The following MAP3K14 variants were observed in gnomAD, a reference collection of about 807,000 sequenced individuals.
The protein encoded by MAP3K14 is NF-kappa-beta-inducing kinase.
A neutral mutation model predicts 99.2 loss-of-function variants in MAP3K14; 16 were observed. That is an observed-to-expected ratio of 0.16 (90% confidence interval 0.11 to 0.24). The LOEUF is 0.24. MAP3K14 is among the 10% of genes least tolerant of loss of function. The probability of loss-of-function intolerance (pLI) is 1.00; values close to 1 mark genes in which losing one functional copy is unlikely to be tolerated. For missense variants in MAP3K14, 784 were observed against 1,208.7 expected (o/e 0.65, Z 5.21); for synonymous variants, 462 against 492.4 (o/e 0.94, Z 0.82).
intron 8 of MAP3K14, chr17:45,273,901 C>T (rs1283129593): frequency 1.0e-5 from 7 of 666,972 alleles, no homozygotes. Flanking sequence ...TGGGTGGGAG[C>T]TTGACCTTCG....
At chr17:45,278,529 C>G (rs183126284) in intron 6 of MAP3K14, among the ~76,000 whole-genome samples, 1 of 152,154 alleles carries the variant, frequency 6.6e-6, no homozygotes, top group Non-Finnish European at 1.5e-5. Context: ...GGATCATTAT[C>G]CCCATTTTAT....
chr17:45,285,918 C>T (rs2044260769), intron 5 of MAP3K14, among the ~76,000 whole-genome samples: 1 of 149,930 alleles, frequency 6.7e-6, no homozygotes, highest in African/African-American at 2.5e-5. Flanking sequence ...TACGACTGCA[C>T]TCCAGCCTGG....
chr17:45,300,153 T>C (rs55913194), intron 1 of MAP3K14, among the ~76,000 whole-genome samples: 39 of 152,058 alleles, frequency 2.6e-4, no homozygotes, highest in Non-Finnish European at 4.1e-4. Flanking sequence ...ATACAATTTA[T>C]GGGGTAAAGT....
chr17:45,279,327 A>T (rs1374948810), intron 6 of MAP3K14, among the ~76,000 whole-genome samples: 3 of 151,992 alleles, frequency 2.0e-5, no homozygotes, highest in Non-Finnish European at 1.5e-5. Flanking sequence ...GGGTTTCTCC[A>T]TGTTGGTCAG....
chr17:45,313,873 G>A (rs2044505551), intron 1 of MAP3K14, among the ~76,000 whole-genome samples: 1 of 152,174 alleles, frequency 6.6e-6, no homozygotes, highest in East Asian at 1.9e-4. Context: ...TCAAGAAAAG[G>A]GGGTTTAGAT....
intron 1 of MAP3K14, among the ~76,000 whole-genome samples, chr17:45,304,651 T>C (rs759930294): frequency 1.8e-4 from 27 of 152,080 alleles, no homozygotes; most frequent in Non-Finnish European, 3.7e-4. Context: ...GGGGAAAAAA[T>C]GGGTAGATGG....
Position 45,290,647 on chromosome 17 carries a change from C to A in MAP3K14, c.99G>T (p.Gly33=). The part of the protein sequence containing the change: ...PKAKEKTPPL[G]KKQSSVYKLE... ...GCTTGTAGACGGAGCTCTGTTTCTT[C>A]CCCAGTGGCGGCGTCTTCTCCTTGG... The change falls in exon 2 of 16, where the codon GGG becomes GGT. Residue 33 remains glycine (G), a synonymous_variant. Transcript: ENST00000344686. The A allele has an allele frequency of 6.2e-7, 1 of 1,613,604 alleles. No individual in the cohort carries two copies. Among genetic ancestry groups the A allele is most frequent in the Non-Finnish European group, 8.5e-7 (1 of 1,179,822 alleles).
intron 1 of MAP3K14, among the ~76,000 whole-genome samples, chr17:45,298,222 T>C (rs143655751): frequency 4.1e-4 from 62 of 152,146 alleles, no homozygotes; most frequent in African/African-American, 1.5e-3. Flanking sequence ...AGAAATACAA[T>C]TCAGACCAGA....
rs184645877 is a variant in MAP3K14 at position 45,281,217 on chromosome 17, C to T, written c.1290+3595G>A. Among the ~76,000 whole-genome samples the T allele has an allele frequency of 1.4e-3, 217 of 152,000 alleles. 1 individual carries two copies. Among genetic ancestry groups the T allele is most frequent in the Non-Finnish European group, 1.4e-3 (97 of 67,972 alleles). ...GCTCAAGCGATCCTCCCACCTCAGT[C>T]TCCCGAGTAGCTAGGACCACAGGTG... On this transcript the variant is annotated intron_variant, in intron 6 of 15. Coordinates refer to ENST00000344686, the MANE Select transcript of MAP3K14 (RefSeq NM_003954.5).
chr17:45,293,734 G>A (rs988647287), intron 1 of MAP3K14, among the ~76,000 whole-genome samples: 2 of 152,100 alleles, frequency 1.3e-5, no homozygotes, highest in South Asian at 2.1e-4. Flanking sequence ...GACCCTCACC[G>A]ACAGCCTCCA....
At chr17:45,278,596 G>C (rs1440574048) in intron 6 of MAP3K14, among the ~76,000 whole-genome samples, 1 of 152,048 alleles carries the variant, frequency 6.6e-6, no homozygotes, top group Non-Finnish European at 1.5e-5. Flanking sequence ...GGGTATAAGA[G>C]ATCACAGCAG....
intron 1 of MAP3K14, among the ~76,000 whole-genome samples, chr17:45,300,358 C>T (rs556969251): frequency 1.8e-4 from 26 of 143,836 alleles, no homozygotes; most frequent in African/African-American, 7.5e-4. Flanking sequence ...CTTGAAACAT[C>T]GTGTACTTAA....
chr17:45,289,396 G>A (rs1320950943), intron 2 of MAP3K14, 91 bp from the exon 3 acceptor site: 13 of 1,014,650 alleles, frequency 1.3e-5, no homozygotes, highest in East Asian at 7.5e-5. Flanking sequence ...CCCCTCTGGC[G>A]CCTCTCCTTC....
intron 14 of MAP3K14, chr17:45,266,324 G>A (rs2044081877): frequency 2.0e-6 from 1 of 508,778 alleles, no homozygotes; most frequent in African/African-American, 1.9e-5. Context: ...GGGGATAATG[G>A]TCCCTCACTG....
intron 6 of MAP3K14, among the ~76,000 whole-genome samples, chr17:45,278,559 TG>T (rs2044196751): frequency 6.6e-6 from 1 of 152,284 alleles, no homozygotes; most frequent in Admixed American, 6.5e-5. Flanking sequence ...AGCTGAAGCC[TG>T]GGCAAGTAAT....
In MAP3K14 at chr17:45,270,577, G is replaced by C. The variant is rs2044134891; in HGVS notation, c.1822-14C>G. 1.9e-6 allele frequency: 3 copies of C among 1,538,792 alleles called. No individual in the cohort carries two copies. In the African/African-American group the frequency reaches 4.2e-5, roughly 21 times the overall value. On this transcript the variant is annotated splice_polypyrimidine_tract_variant and intron_variant, in intron 10 of 15. Transcript: ENST00000344686. ...CTCGCTGGCAATCTGGGGGGCAAAA[G>C]ACAACAGGTGAGGCCTGCCTTCCCT...
At chr17:45,303,550 G>C (rs2044406907) in intron 1 of MAP3K14, among the ~76,000 whole-genome samples, 1 of 152,088 alleles carries the variant, frequency 6.6e-6, no homozygotes, top group African/African-American at 2.4e-5. Flanking sequence ...AACAGAGTGA[G>C]ACTCCATCTC....
intron 1 of MAP3K14, among the ~76,000 whole-genome samples, chr17:45,309,672 C>T (rs930251085): frequency 6.6e-6 from 1 of 152,198 alleles, no homozygotes; most frequent in Non-Finnish European, 1.5e-5. Context: ...GAGGGAGTCA[C>T]AACTTGGTGG....
chr17:45,311,586 C>T (rs1241772924), intron 1 of MAP3K14, among the ~76,000 whole-genome samples: 1 of 152,122 alleles, frequency 6.6e-6, no homozygotes, highest in African/African-American at 2.4e-5. Flanking sequence ...CTCAGGAGTA[C>T]CCCCTGCTGC....
Sources: gnomAD v4.1 joint callset for allele counts (sites outside exome capture counted in the v4.1 genomes callset) on GRCh38, gnomAD v4.1.1 for gene constraint, MANE v1.5 for transcripts, NCBI Gene and HGNC (gene_info 2026-07-23, HGNC 2026-07-21) for gene names.